KCNN2: variants seen among roughly 807,000 people sequenced by gnomAD.
KCNN2 encodes potassium calcium-activated channel subfamily N member 2.
Under a neutral mutation model 55.5 loss-of-function variants are expected in KCNN2, and 24 were observed. The observed-to-expected ratio is 0.43, with a 90% CI of 0.31 to 0.61. The LOEUF (loss-of-function observed/expected upper bound fraction) is 0.61. Among genes scored for constraint, KCNN2 ranks in the 20% least tolerant of loss-of-function variants. The pLI is 0.08. For synonymous variants in KCNN2, 431 were observed against 336.1 expected (o/e 1.28, Z -3.09); for missense variants, 754 against 853.6 (o/e 0.88, Z 1.45).
At chr5:114,190,128 T>C (rs1411361284) in intron 1 of KCNN2, among the ~76,000 whole-genome samples, 1 of 152,090 alleles carries the variant, frequency 6.6e-6, no homozygotes, top group African/African-American at 2.4e-5. Context: ...TTTATTAGGC[T>C]CCTGTTCCCT....
intron 2 of KCNN2, among the ~76,000 whole-genome samples, chr5:114,323,195 G>A (rs36960): frequency 0.1 from 15,364 of 152,244 alleles, 833 homozygotes; most frequent in African/African-American, 0.13. Flanking sequence ...ACCATAAACA[G>A]TAAAGCTCCT....
intron 2 of KCNN2, among the ~76,000 whole-genome samples, chr5:114,249,350 T>C (rs1485211908): frequency 2.6e-5 from 4 of 151,404 alleles, no homozygotes; most frequent in Non-Finnish European, 5.9e-5. Context: ...TGCAGTTGTG[T>C]GATTGTGGCT....
At chr5:114,311,848 C>T (rs1756396517) in intron 2 of KCNN2, among the ~76,000 whole-genome samples, 3 of 152,264 alleles carry the variant, frequency 2.0e-5, no homozygotes, top group African/African-American at 7.2e-5. Context: ...TTTCTCTGAG[C>T]CTCAGTTCCT....
At chr5:114,100,151 C>T (rs1751344488) in intron 1 of KCNN2, among the ~76,000 whole-genome samples, 1 of 151,676 alleles carries the variant, frequency 6.6e-6, no homozygotes, top group Admixed American at 6.6e-5. Flanking sequence ...TATTTTGAGC[C>T]ATATTAATGT....
chr5:114,199,293 C>T (rs74499637), intron 1 of KCNN2, among the ~76,000 whole-genome samples: 2,656 of 152,102 alleles, frequency 0.017, 69 homozygotes, highest in African/African-American at 0.06. Context: ...TATCCATGTA[C>T]TTTCCATCTA....
intron 2 of KCNN2, among the ~76,000 whole-genome samples, chr5:114,306,700 C>CTTTTTTTT (rs1245549186): frequency 4.0e-4 from 46 of 115,512 alleles, no homozygotes; most frequent in Non-Finnish European, 4.5e-4. Flanking sequence ...TTTTTTTTTT[C>CTTTTTTTT]TTTTTTTTTT....
chr5:114,192,200 TACTC>T (rs1382157528), intron 1 of KCNN2, among the ~76,000 whole-genome samples: 1 of 152,208 alleles, frequency 6.6e-6, no homozygotes, highest in Non-Finnish European at 1.5e-5. Flanking sequence ...TACTAAATGA[TACTC>T]ACATTCCGTG....
intron 1 of KCNN2, among the ~76,000 whole-genome samples, chr5:114,134,462 T>TTG (rs780804439): frequency 0.22 from 12,785 of 58,610 alleles, 679 homozygotes; most frequent in Non-Finnish European, 0.32. Flanking sequence ...AACCATGATT[T>TTG]ATTTATTTAT....
intron 2 of KCNN2, among the ~76,000 whole-genome samples, chr5:114,399,159 G>A (rs900451964): frequency 2.0e-5 from 3 of 152,144 alleles, no homozygotes; most frequent in Non-Finnish European, 4.4e-5. Context: ...AGCCTTTTCA[G>A]CATGATGTTG....
At chr5:114,106,135 A>C (rs751844871) in intron 1 of KCNN2, among the ~76,000 whole-genome samples, 2 of 151,806 alleles carry the variant, frequency 1.3e-5, no homozygotes, top group Non-Finnish European at 2.9e-5. Context: ...TGTACCCAAA[A>C]TCTGGTTTCT....
rs1226435096 is a variant in KCNN2 at position 114,320,613 on chromosome 5, C to CA, written c.-184-40316dup. On this transcript the variant is annotated intron_variant, in intron 2 of 10. Transcript: ENST00000512097. Reference sequence around the variant, plus strand: ...TGGGTGACACAGCGAGACTCTGTCTCAAAAAAAAAAAAAAAATGTTCATCC... The same window carrying CA: ...TGGGTGACACAGCGAGACTCTGTCTCAAAAAAAAAAAAAAAAATGTTCATCC... Among the ~76,000 whole-genome samples, 635 of 117,824 alleles carry CA rather than the reference C, an allele frequency of 5.4e-3. 2 individuals carry two copies. Among genetic ancestry groups the CA allele is most frequent in the African/African-American group, 0.011 (341 of 31,958 alleles). The allele number at this position is 117,824 out of a possible 152,430, so 77.3% of individuals were successfully genotyped here. A position where few individuals can be genotyped will look rare whatever the true frequency, so the allele number is the denominator to read the frequency against.
At chr5:114,266,544 C>A (rs1755210577) in intron 2 of KCNN2, among the ~76,000 whole-genome samples, 2 of 152,156 alleles carry the variant, frequency 1.3e-5, no homozygotes, top group African/African-American at 4.8e-5. Context: ...TCTGTTACCT[C>A]TGGACCAGAA....
In KCNN2 at chr5:114,493,413, G is replaced by T; in HGVS notation, c.2029G>T (p.Val677Leu). The T allele has an allele frequency of 6.3e-7, 1 of 1,597,808 alleles. No individual in the cohort carries two copies. Among genetic ancestry groups the T allele is most frequent in the Non-Finnish European group, 8.6e-7 (1 of 1,165,104 alleles). The change falls in exon 7 of 8, where the codon GTA (valine) becomes TTA (leucine). Residue 677 changes from valine (V) to leucine (L), a missense_variant. Physicochemically the swap from Val to Leu is conservative, Grantham distance 32. This residue lies in a region of KCNN2 where 164 missense variants were observed against 156.6 expected (regional missense o/e 1.05). Coordinates refer to ENST00000673685, the MANE Select transcript of KCNN2 (RefSeq NM_021614.4). ...GATTCTATCTTTTAGATTAAGAAGT[G>T]TAAAAATGGAGCAGAGGAAACTGAA... ...FLQAIHQLRS[V>L]KMEQRKLNDQ...
At chr5:114,364,447 T>A (rs1757542546) in intron 2 of KCNN2, among the ~76,000 whole-genome samples, 1 of 152,114 alleles carries the variant, frequency 6.6e-6, no homozygotes. Context: ...GGGTGATGAG[T>A]TGCCAGCTAA....
chr5:114,096,096 G>A (rs994534902), intron 1 of KCNN2, among the ~76,000 whole-genome samples: 2 of 152,110 alleles, frequency 1.3e-5, no homozygotes, highest in African/African-American at 2.4e-5. Context: ...GTAACTTAAT[G>A]TCAGAGAGCC....
chr5:114,409,890 T>A (rs1330580617), intron 3 of KCNN2, among the ~76,000 whole-genome samples: 2 of 150,438 alleles, frequency 1.3e-5, no homozygotes, highest in African/African-American at 4.8e-5. Context: ...TCTCTCTCTT[T>A]TTGGTGAATG....
At chr5:114,281,787 C>T (rs931464051) in intron 2 of KCNN2, among the ~76,000 whole-genome samples, 3 of 151,952 alleles carry the variant, frequency 2.0e-5, no homozygotes, top group Admixed American at 1.3e-4. Context: ...TAAATTATGT[C>T]CTTGAAGGCT....
intron 2 of KCNN2, among the ~76,000 whole-genome samples, chr5:114,311,313 GC>G (rs968801759): frequency 2.0e-5 from 3 of 152,008 alleles, no homozygotes; most frequent in Non-Finnish European, 4.4e-5. Context: ...TGTTGATGAA[GC>G]TACTCTTTAG....
chr5:114,202,318 TTTTTAA>T (rs1022916374), intron 1 of KCNN2, among the ~76,000 whole-genome samples: 1 of 152,062 alleles, frequency 6.6e-6, no homozygotes, highest in African/African-American at 2.4e-5. Flanking sequence ...TTAAAACCCA[TTTTTAA>T]TTTTAATCAT....
Sources: gnomAD v4.1 joint callset for allele counts (sites outside exome capture counted in the v4.1 genomes callset) on GRCh38, gnomAD v4.1.1 for gene constraint, gnomAD v4.1.1 regional missense constraint, MANE v1.5 for transcripts, NCBI Gene and HGNC (gene_info 2026-07-23, HGNC 2026-07-21) for gene names.